Variants in NLRP11 observed in about 807,000 individuals in gnomAD.
NLRP11 encodes NACHT, LRR and PYD domains-containing protein 11.
In NLRP11, 53 loss-of-function variants were observed where a neutral mutation model predicts 79.3. The ratio of observed to expected loss-of-function variants is 0.67; its 90% confidence interval spans 0.54 to 0.84. The LOEUF (loss-of-function observed/expected upper bound fraction) is 0.84, where lower values mean the gene tolerates loss of function less well. Among genes scored for constraint, NLRP11 ranks in the 40% least tolerant of loss-of-function variants. The pLI is 0.00. For missense variants in NLRP11, 1,264 were observed against 1,255.0 expected (o/e 1.01, Z -0.11); for synonymous variants, 518 against 462.6 (o/e 1.12, Z -1.54).
chr19:55,819,455 C>T (rs568571710), intron 1 of NLRP11, among the ~76,000 whole-genome samples: 1 of 152,306 alleles, frequency 6.6e-6, no homozygotes, highest in East Asian at 1.9e-4. Context: ...TCATTACACT[C>T]CGTCACGAGA....
At chr19:55,815,726 T>C (rs1981054413) in intron 2 of NLRP11, among the ~76,000 whole-genome samples, 1 of 151,980 alleles carries the variant, frequency 6.6e-6, no homozygotes, top group Non-Finnish European at 1.5e-5. Flanking sequence ...GTTTTAGACA[T>C]AAAATTAAGG....
chr19:55,813,486 A>T (rs1271898503), intron 2 of NLRP11, among the ~76,000 whole-genome samples: 1 of 152,080 alleles, frequency 6.6e-6, no homozygotes, highest in Non-Finnish European at 1.5e-5. Context: ...TTTGTTTTCC[A>T]CTGGGAGCAG....
At chr19:55,827,643 C>T (rs1481878803) in intron 1 of NLRP11, among the ~76,000 whole-genome samples, 2 of 120,072 alleles carry the variant, frequency 1.7e-5, no homozygotes, top group African/African-American at 8.8e-5. Context: ...GACATTTATG[C>T]AGCCAAAAAA....
chr19:55,829,260 A>C (rs1298908101), intron 1 of NLRP11, among the ~76,000 whole-genome samples: 1 of 151,680 alleles, frequency 6.6e-6, no homozygotes, highest in African/African-American at 2.4e-5. Context: ...CTTATGGAAT[A>C]CTCTTTAAAT....
chr19:55,804,728 TAAAC>T (rs1979818234), intron 4 of NLRP11, among the ~76,000 whole-genome samples: 1 of 152,074 alleles, frequency 6.6e-6, no homozygotes, highest in Non-Finnish European at 1.5e-5. Flanking sequence ...TTTACCTACA[TAAAC>T]AAACTTGCAC....
At chr19:55,786,248 C>T (rs779200839) in intron 9 of NLRP11, among the ~76,000 whole-genome samples, 4 of 152,284 alleles carry the variant, frequency 2.6e-5, no homozygotes, top group Non-Finnish European at 4.4e-5. Context: ...ACAGGCTGGA[C>T]GCAGTCCAGT....
intron 4 of NLRP11, among the ~76,000 whole-genome samples, chr19:55,806,962 G>A (rs147001302): frequency 5.9e-5 from 9 of 152,068 alleles, no homozygotes; most frequent in Non-Finnish European, 1.3e-4. Flanking sequence ...TATTACTACA[G>A]CCTGTACCCT....
In NLRP11 at chr19:55,809,484, C is replaced by T; in HGVS notation, c.1126G>A (p.Asp376Asn). The T allele has an allele frequency of 6.2e-7, 1 of 1,614,138 alleles. No individual in the cohort carries two copies. Among genetic ancestry groups the T allele is most frequent in the Non-Finnish European group, 8.5e-7 (1 of 1,180,024 alleles). ...AGTCCAGCCTCTGATGTCAACGCATCAGCAAGAAAGTGGGCATGTAGATCA... is the reference window on the plus strand; with the variant it reads ...AGTCCAGCCTCTGATGTCAACGCATTAGCAAGAAAGTGGGCATGTAGATCA... Residue 376 changes from aspartate (D) to asparagine (N), a missense_variant, in exon 3 of 10, where the codon GAT (aspartate) becomes AAT (asparagine). Physicochemically the swap from Asp to Asn is conservative, Grantham distance 23 (BLOSUM62 1). Transcript: ENST00000589093. The surrounding 1 kb of genome is among the most constrained non-coding windows in gnomAD (Gnocchi z 4.5).
chr19:55,821,646 A>C (rs549595893), intron 1 of NLRP11, among the ~76,000 whole-genome samples: 25 of 151,178 alleles, frequency 1.7e-4, no homozygotes, highest in South Asian at 1.3e-3. Context: ...GAACCCATTA[A>C]CATTGTTAGT....
intron 1 of NLRP11, among the ~76,000 whole-genome samples, chr19:55,823,792 G>A (rs1322156331): frequency 6.7e-6 from 1 of 148,742 alleles, no homozygotes; most frequent in Non-Finnish European, 1.5e-5. Flanking sequence ...TCTGATTGGT[G>A]TACCTGAAAG....
rs188394195 is a variant in NLRP11, at chr19:55,798,187, C to T, written c.2172-1937G>A. On this transcript the variant is annotated intron_variant, in intron 5 of 9. Transcript: ENST00000589093. ...GATAATTTTGCATTTTTAGTAGAGA[C>T]GAGGTTTCGCCATGTTGGTCAGGCT... is the stretch of plus-strand genomic sequence containing the variant. The T allele has an allele frequency of 1.8e-3, 431 of 235,886 alleles. 2 individuals carry two copies. The highest frequency in any genetic ancestry group is 1.8e-3 in the Non-Finnish European group (264 of 145,036). 14.6% of individuals were successfully genotyped at this position (235,886 alleles called of 1,614,324 possible). A position where few individuals can be genotyped will look rare whatever the true frequency, so the allele number is the denominator to read the frequency against.
chr19:55,817,794 C>T, intron 2 of NLRP11, 110 bp downstream of exon 2: 1 of 860,952 alleles, frequency 1.2e-6, no homozygotes, highest in Non-Finnish European at 1.8e-6. Context: ...TACTCAAATA[C>T]CACCTGCTTC....
At chr19:55,791,563 C>G (rs548905411) in intron 7 of NLRP11, among the ~76,000 whole-genome samples, 1 of 152,232 alleles carries the variant, frequency 6.6e-6, no homozygotes, top group East Asian at 1.9e-4. Context: ...ACAGGAGATG[C>G]TTTTAGGTTA....
At chr19:55,815,483 T>C (rs1038857182) in intron 2 of NLRP11, among the ~76,000 whole-genome samples, 1 of 149,054 alleles carries the variant, frequency 6.7e-6, no homozygotes, top group Non-Finnish European at 1.5e-5. Context: ...GAGCCGAGAT[T>C]GTTCCATTGC....
intron 1 of NLRP11, among the ~76,000 whole-genome samples, chr19:55,819,427 G>A (rs1474501144): frequency 6.6e-6 from 1 of 152,142 alleles, no homozygotes; most frequent in East Asian, 1.9e-4. Context: ...CAGTTTCAAT[G>A]TCAGTCTAAT....
intron 2 of NLRP11, among the ~76,000 whole-genome samples, chr19:55,816,260 A>G (rs1410473290): frequency 6.6e-6 from 1 of 152,222 alleles, no homozygotes; most frequent in Non-Finnish European, 1.5e-5. Flanking sequence ...AACAGATTCC[A>G]TGACAAAAAC....
At chr19:55,833,597 T>C (rs903267495), upstream of NLRP11, among the ~76,000 whole-genome samples, 6 of 151,528 alleles carry the variant, frequency 4.0e-5, no homozygotes, top group African/African-American at 1.2e-4. Flanking sequence ...AACCCCCGTC[T>C]CTACCAAAAA....
At chr19:55,834,583 A>T (rs1267491244), upstream of NLRP11, among the ~76,000 whole-genome samples, 1 of 151,802 alleles carries the variant, frequency 6.6e-6, no homozygotes, top group Non-Finnish European at 1.5e-5. Flanking sequence ...AACTGAAGTC[A>T]CCTGTGCCTC....
chr19:55,830,070 A>T (rs12985556), intron 1 of NLRP11, among the ~76,000 whole-genome samples: 30,990 of 152,152 alleles, frequency 0.2, 3,573 homozygotes, highest in African/African-American at 0.31. Context: ...AACTTCATGT[A>T]TAAGTGGACA....
Sources: allele counts gnomAD v4.1 joint callset (sites outside exome capture counted in the v4.1 genomes callset), GRCh38; gene constraint gnomAD v4.1.1; non-coding constraint Gnocchi (gnomAD v3.1); transcripts MANE v1.5; gene names NCBI Gene and HGNC (gene_info 2026-07-23, HGNC 2026-07-21).